PDE4D: variants seen among roughly 807,000 people sequenced by gnomAD.
PDE4D encodes the protein 3',5'-cyclic-AMP phosphodiesterase 4D.
In PDE4D, 24 loss-of-function variants were observed where a neutral mutation model predicts 87.4. The ratio of observed to expected loss-of-function variants is 0.27; its 90% confidence interval spans 0.20 to 0.39. PDE4D has a LOEUF of 0.39. Ranked by LOEUF, PDE4D falls within the 10% of genes least tolerant of loss-of-function variation. The probability of loss-of-function intolerance (pLI) is 1.00; values close to 1 mark genes in which losing one functional copy is unlikely to be tolerated. For synonymous variants in PDE4D, 384 were observed against 383.2 expected (o/e 1.00, Z -0.02); for missense variants, 714 against 1,041.0 (o/e 0.69, Z 4.32).
intron 3 of PDE4D, among the ~76,000 whole-genome samples, chr5:59,947,584 A>G (rs1757855538): frequency 6.6e-6 from 1 of 152,172 alleles, no homozygotes; most frequent in Non-Finnish European, 1.5e-5. Context: ...TAGGATATGC[A>G]CACCTGCTGC....
At chr5:60,198,951 G>A (rs1317129300) in intron 1 of PDE4D, among the ~76,000 whole-genome samples, 2 of 151,662 alleles carry the variant, frequency 1.3e-5, no homozygotes, top group Non-Finnish European at 3.0e-5. Context: ...AGAGAAGCCT[G>A]TACTAATTCT....
chr5:59,269,103 G>GA (rs369038626), intron 1 of PDE4D, among the ~76,000 whole-genome samples: 2,539 of 146,764 alleles, frequency 0.017, 72 homozygotes, highest in African/African-American at 0.06. Flanking sequence ...CCGTGGGGAA[G>GA]AAAAAAAAAA....
intron 1 of PDE4D, among the ~76,000 whole-genome samples, chr5:59,281,742 CA>C (rs1346104156): frequency 1.3e-5 from 2 of 152,108 alleles, no homozygotes; most frequent in East Asian, 3.9e-4. Flanking sequence ...CAGCCCCTGA[CA>C]AGCACCATTT....
chr5:59,319,933 G>A (rs996549736), intron 1 of PDE4D, among the ~76,000 whole-genome samples: 1 of 152,114 alleles, frequency 6.6e-6, no homozygotes, highest in Non-Finnish European at 1.5e-5. Flanking sequence ...CAGGAACCAA[G>A]ACAAACACCG....
chr5:59,781,102 G>T (rs1561652007), intron 1 of PDE4D, among the ~76,000 whole-genome samples: 15 of 141,268 alleles, frequency 1.1e-4, no homozygotes. Context: ...GGAGGCAGAG[G>T]TTATGGTGAG....
chr5:60,125,687 G>A (rs902468396), intron 2 of PDE4D, among the ~76,000 whole-genome samples: 3 of 152,196 alleles, frequency 2.0e-5, no homozygotes, highest in Non-Finnish European at 2.9e-5. Flanking sequence ...TAAGCTCTGT[G>A]AGGATAGAAA....
At chr5:59,436,622 G>T (rs1031138070) in intron 1 of PDE4D, among the ~76,000 whole-genome samples, 12 of 152,114 alleles carry the variant, frequency 7.9e-5, no homozygotes, top group Non-Finnish European at 1.6e-4. Context: ...TAGTCAGCAG[G>T]CCCACTTAAT....
intron 1 of PDE4D, among the ~76,000 whole-genome samples, chr5:60,305,021 AT>A (rs938090266): frequency 6.8e-6 from 1 of 147,852 alleles, no homozygotes; most frequent in African/African-American, 2.6e-5. Flanking sequence ...TTCTCTAGTT[AT>A]TTTAGTTTTG....
At chr5:59,420,181 G>A (rs748160700) in intron 1 of PDE4D, among the ~76,000 whole-genome samples, 25 of 152,112 alleles carry the variant, frequency 1.6e-4, no homozygotes, top group Non-Finnish European at 2.4e-4. Context: ...GTCACAGTAC[G>A]TGTAAAATTT....
intron 1 of PDE4D, among the ~76,000 whole-genome samples, chr5:60,282,969 T>A (rs970495569): frequency 1.3e-5 from 2 of 152,210 alleles, no homozygotes; most frequent in Non-Finnish European, 2.9e-5. Flanking sequence ...CATGCACATT[T>A]GAAAAGAATG....
intron 6 of PDE4D, among the ~76,000 whole-genome samples, chr5:59,026,591 G>C (rs1040737667): frequency 6.6e-6 from 1 of 151,982 alleles, no homozygotes; most frequent in Non-Finnish European, 1.5e-5. Flanking sequence ...ATAAAACAGA[G>C]ACACAAAATA....
In PDE4D at chr5:59,258,815, T is replaced by A. The variant is rs902919349; in HGVS notation, c.456-42847A>T. On this transcript the variant is annotated intron_variant, in intron 1 of 14. Transcript: ENST00000340635. The stretch of plus-strand genomic sequence containing the variant: ...ATTTAGAATATAAGATATATATATT[T>A]TAAGAAGACTATGTCAAAGAAGTTT... Among the ~76,000 whole-genome samples, 6 of 150,636 alleles carry A rather than the reference T, an allele frequency of 4.0e-5. No individual in the cohort carries two copies. In the East Asian group the frequency reaches 1.2e-3, roughly 29 times the overall value.
chr5:60,044,893 C>T (rs1435526948), intron 2 of PDE4D, among the ~76,000 whole-genome samples: 2 of 152,116 alleles, frequency 1.3e-5, no homozygotes, highest in African/African-American at 4.8e-5. Flanking sequence ...AATGGCATGG[C>T]TGGGTCAAAT....
At chr5:60,202,636 A>C (rs1459149216) in intron 1 of PDE4D, among the ~76,000 whole-genome samples, 1 of 152,114 alleles carries the variant, frequency 6.6e-6, no homozygotes, top group Admixed American at 6.5e-5. Flanking sequence ...AGAGAGAGAG[A>C]AAATAATCAT....
chr5:60,018,025 A>T (rs918575705), intron 2 of PDE4D, among the ~76,000 whole-genome samples: 1 of 152,020 alleles, frequency 6.6e-6, no homozygotes, highest in Non-Finnish European at 1.5e-5. Flanking sequence ...TGTGGTTTTG[A>T]TTTGCATTTC....
In PDE4D at chr5:59,004,571, A is replaced by G. The variant is rs185155417; in HGVS notation, c.922-11106T>C. ...AAGGTTTCAAATGTAACAAAGTGCC[A>G]TCTTCACAATATACACTATTGCTGC... On this transcript the variant is annotated intron_variant, in intron 6 of 14. Transcript: ENST00000340635. 3.1e-4 allele frequency among the ~76,000 whole-genome samples: 47 copies of G among 152,386 alleles called. 1 individual carries two copies. The highest frequency in any genetic ancestry group is 7.7e-4 in the East Asian group (4 of 5,192).
At chr5:59,759,240 T>A (rs1156341806) in intron 1 of PDE4D, among the ~76,000 whole-genome samples, 3 of 152,152 alleles carry the variant, frequency 2.0e-5, no homozygotes, top group Non-Finnish European at 4.4e-5. Flanking sequence ...GAATATTTTT[T>A]AAAAAATCAA....
At chr5:59,156,006 G>A (rs1347543956) in intron 5 of PDE4D, among the ~76,000 whole-genome samples, 1 of 152,090 alleles carries the variant, frequency 6.6e-6, no homozygotes, top group Non-Finnish European at 1.5e-5. Flanking sequence ...TTAGCATGAA[G>A]AGGACTGAGA....
intron 1 of PDE4D, among the ~76,000 whole-genome samples, chr5:59,474,172 G>A (rs1802909034): frequency 6.6e-6 from 1 of 152,068 alleles, no homozygotes; most frequent in Non-Finnish European, 1.5e-5. Flanking sequence ...GCAATTCAGT[G>A]TTATGTTCAG....
Sources: allele counts gnomAD v4.1 joint callset (sites outside exome capture counted in the v4.1 genomes callset), GRCh38; gene constraint gnomAD v4.1.1; transcripts MANE v1.5; gene names NCBI Gene and HGNC (gene_info 2026-07-23, HGNC 2026-07-21).